VDAC1: variants seen among roughly 807,000 people sequenced by gnomAD.
VDAC1 encodes the protein voltage dependent anion channel 1.
In VDAC1, 10 loss-of-function variants were observed where a neutral mutation model predicts 34.7. The ratio of observed to expected loss-of-function variants is 0.29; its 90% confidence interval spans 0.18 to 0.49. The LOEUF (loss-of-function observed/expected upper bound fraction) is 0.49, where lower values mean the gene tolerates loss of function less well. Ranked by LOEUF, VDAC1 falls within the 20% of genes least tolerant of loss-of-function variation. The pLI is 0.99. For synonymous variants in VDAC1, 130 were observed against 136.0 expected (o/e 0.96, Z 0.30); for missense variants, 230 against 347.9 (o/e 0.66, Z 2.69).
chr5:134,070,173 G>A, the VDAC1 span, among the ~76,000 whole-genome samples: 18 of 151,980 alleles, frequency 1.2e-4, no homozygotes, highest in African/African-American at 4.1e-4. Flanking sequence ...GTGGAGCCTC[G>A]CTCTGTTGCC....
chr5:134,060,810 T>G, the VDAC1 span, among the ~76,000 whole-genome samples: 1 of 151,178 alleles, frequency 6.6e-6, no homozygotes, highest in Admixed American at 6.6e-5. Context: ...ATGGAAACAT[T>G]CAACAAATGA....
At chr5:134,085,722 TAAAAAAA>T in the VDAC1 span, among the ~76,000 whole-genome samples, 1,493 of 44,240 alleles carry the variant, frequency 0.034, 55 homozygotes, top group South Asian at 0.072. Context: ...ACCCCATTTC[TAAAAAAA>T]AAAAAAAAAA....
chr5:133,991,496 A>G (rs1156421214), intron 3 of VDAC1, among the ~76,000 whole-genome samples: 1 of 152,240 alleles, frequency 6.6e-6, no homozygotes, highest in Non-Finnish European at 1.5e-5. Context: ...TCAAACCCAA[A>G]ACTTCTTTCT....
intron 6 of VDAC1, 74 bp downstream of exon 6, chr5:133,980,655 A>G (rs1424163426): frequency 1.9e-5 from 17 of 876,642 alleles, no homozygotes; most frequent in Non-Finnish European, 2.8e-5. Context: ...AAAAAAAAAC[A>G]GTGAAAAGCA....
the VDAC1 span, among the ~76,000 whole-genome samples, chr5:134,018,241 A>G: frequency 6.6e-6 from 1 of 152,200 alleles, no homozygotes; most frequent in Admixed American, 6.5e-5. Context: ...ATGTGGCAAG[A>G]GCAGGAGCAA....
At chr5:134,081,792 C>T in the VDAC1 span, 1 of 152,548 alleles carries the variant, frequency 6.6e-6, no homozygotes. Context: ...CAGGGTCTAG[C>T]AAGGAAGAAA....
the VDAC1 span, among the ~76,000 whole-genome samples, chr5:134,039,639 A>C: frequency 2.6e-5 from 4 of 151,954 alleles, no homozygotes; most frequent in Admixed American, 2.0e-4. Flanking sequence ...GACGTGCGTA[A>C]TTTTAAAGCT....
chr5:134,075,563 G>T, the VDAC1 span, among the ~76,000 whole-genome samples: 1 of 152,038 alleles, frequency 6.6e-6, no homozygotes, highest in East Asian at 1.9e-4. Context: ...CACGATACTG[G>T]TTTTTTGTTT....
the VDAC1 span, among the ~76,000 whole-genome samples, chr5:134,043,085 G>A: frequency 6.6e-6 from 1 of 152,230 alleles, no homozygotes; most frequent in Non-Finnish European, 1.5e-5. Context: ...ATCCTGCCAA[G>A]AGCCTCAGTG....
chr5:134,015,830 A>G, the VDAC1 span, among the ~76,000 whole-genome samples: 1 of 152,068 alleles, frequency 6.6e-6, no homozygotes. Context: ...TTTTTAGTAG[A>G]GACGGGGTTT....
chr5:134,015,837 G>A, the VDAC1 span, among the ~76,000 whole-genome samples: 1 of 152,100 alleles, frequency 6.6e-6, no homozygotes, highest in African/African-American at 2.4e-5. Flanking sequence ...TAGAGACGGG[G>A]TTTCACCATA....
chr5:134,057,923 T>A, the VDAC1 span, among the ~76,000 whole-genome samples: 8 of 152,152 alleles, frequency 5.3e-5, no homozygotes, highest in Non-Finnish European at 2.9e-5. Flanking sequence ...TTAGACCAAG[T>A]TCTTGCTCTG....
At chr5:133,986,845 G>A (rs1020586355) in intron 5 of VDAC1, among the ~76,000 whole-genome samples, 1 of 152,168 alleles carries the variant, frequency 6.6e-6, no homozygotes, top group African/African-American at 2.4e-5. Context: ...ACAGAGGTTT[G>A]TCAAAAAGCA....
intron 6 of VDAC1, among the ~76,000 whole-genome samples, chr5:133,980,073 T>C (rs1266329087): frequency 2.1e-4 from 32 of 152,216 alleles, no homozygotes; most frequent in Non-Finnish European, 8.8e-5. Context: ...ACATGGTAAC[T>C]CTGCACCCAG....
chr5:134,005,198 G>T (rs946212210), upstream of VDAC1: 46 of 152,336 alleles, frequency 3.0e-4, no homozygotes, highest in African/African-American at 1.1e-3. Context: ...CCCGGGAGTT[G>T]ATGTGGCCGG....
chr5:134,012,774 C>A, the VDAC1 span, among the ~76,000 whole-genome samples: 151 of 152,038 alleles, frequency 9.9e-4, 4 homozygotes, highest in East Asian at 0.027. Context: ...AAAAAAGAGC[C>A]AGAATAACCA....
chr5:134,080,090 C>T, the VDAC1 span, among the ~76,000 whole-genome samples: 5 of 152,218 alleles, frequency 3.3e-5, no homozygotes, highest in Non-Finnish European at 4.4e-5. Flanking sequence ...AACACTGCAT[C>T]CATGTAGAGA....
At chr5:134,027,899 T>C in the VDAC1 span, among the ~76,000 whole-genome samples, 1 of 150,218 alleles carries the variant, frequency 6.7e-6, no homozygotes, top group East Asian at 2.0e-4. Context: ...GTCTCCCAAG[T>C]AGCTGGGATT....
chr5:133,972,943 A>T (rs1446280848), intron 8 of VDAC1, 81 bp from the exon 9 acceptor site: 1 of 1,217,698 alleles, frequency 8.2e-7, no homozygotes, highest in African/African-American at 1.5e-5. Context: ...CCAAATTCAG[A>T]ACCTGTTCCA....
Sources: allele counts gnomAD v4.1 joint callset (sites outside exome capture counted in the v4.1 genomes callset), GRCh38; gene constraint gnomAD v4.1.1; transcripts MANE v1.5; gene names NCBI Gene and HGNC (gene_info 2026-07-23, HGNC 2026-07-21).